The following DNAH9 variants were observed in gnomAD, a reference collection of about 807,000 sequenced individuals.
The protein encoded by DNAH9 is DNAH9 variant protein.
Under a neutral mutation model 471.6 loss-of-function variants are expected in DNAH9, and 345 were observed. That is an observed-to-expected ratio of 0.73 (90% CI 0.67 to 0.80). The LOEUF is 0.80. Among genes scored for constraint, DNAH9 ranks in the 30% least tolerant of loss-of-function variants. The pLI is 0.00. For synonymous variants in DNAH9, 2,093 were observed against 2,123.6 expected, an observed-to-expected ratio of 0.99 and a Z score of 0.40; for missense variants, 5,407 against 5,609.2, an observed-to-expected ratio of 0.96 and a Z score of 1.15.
At chr17:11,922,308 G>C (rs536304708) in intron 61 of DNAH9, among the ~76,000 whole-genome samples, 16 of 152,148 alleles carry the variant, frequency 1.1e-4, no homozygotes, top group Admixed American at 3.3e-4. Context: ...TTTTTTTTAA[G>C]TATGGATTTT....
intron 48 of DNAH9, among the ~76,000 whole-genome samples, chr17:11,826,450 T>C (rs1341884489): frequency 1.4e-5 from 2 of 146,180 alleles, no homozygotes; most frequent in Non-Finnish European, 3.0e-5. Flanking sequence ...TTTTTCTTTT[T>C]CTTGGTTTTT....
chr17:11,635,292 G>A (rs1040961300), intron 8 of DNAH9, among the ~76,000 whole-genome samples: 3 of 150,382 alleles, frequency 2.0e-5, no homozygotes, highest in African/African-American at 7.3e-5. Flanking sequence ...TCAGCTTCTC[G>A]AGTAGCTGGG....
chr17:11,704,569 G>T, intron 25 of DNAH9, 127 bp downstream of exon 25: 6 of 799,612 alleles, frequency 7.5e-6, no homozygotes, highest in Non-Finnish European at 1.1e-5. Flanking sequence ...GAGGATCACA[G>T]TGGCTGCTCC....
At chr17:11,687,012 C>G (rs1053263895) in intron 19 of DNAH9, among the ~76,000 whole-genome samples, 1 of 152,174 alleles carries the variant, frequency 6.6e-6, no homozygotes, top group African/African-American at 2.4e-5. Context: ...AACACAAGAA[C>G]TCCTCACCCT....
chr17:11,659,787 G>T (rs2150713854), intron 14 of DNAH9, among the ~76,000 whole-genome samples: 1 of 152,282 alleles, frequency 6.6e-6, no homozygotes, highest in East Asian at 1.9e-4. Context: ...CAGAGCTCGG[G>T]GCCTTCACAG....
At chr17:11,716,397 C>T (rs1274731111) in intron 26 of DNAH9, among the ~76,000 whole-genome samples, 1 of 151,886 alleles carries the variant, frequency 6.6e-6, no homozygotes, top group Non-Finnish European at 1.5e-5. Context: ...TTCTTTTTTG[C>T]GTTTTTTTTC....
At position 11,768,618 on chromosome 17, in the gene DNAH9, C is replaced by T. The variant is rs758655887; in HGVS notation, c.7336C>T (p.Pro2446Ser). The stretch of plus-strand genomic sequence containing the variant: ...CCAGTTCGAATTTGACCCCGAGATG[C>T]CCTTGCAGGTGAGTGCAGCTGAGCA... ...VPQFEFDPEMPLQACLVHTSE... is the reference protein window; with the variant it reads ...VPQFEFDPEMSLQACLVHTSE... Residue 2446 changes from proline (P) to serine (S), a missense_variant, in exon 37 of 69, where the codon CCC becomes TCC. Physicochemically the swap from Pro to Ser is moderately conservative, Grantham distance 74. Around this residue, in one of 3 missense-constraint regions of DNAH9, gnomAD observed 4,636 missense variants for 4,900.3 expected, o/e 0.95. Transcript: ENST00000262442. 3 of 1,613,936 alleles carry T rather than the reference C, an allele frequency of 1.9e-6. No individual in the cohort carries two copies. The Admixed American group carries it at 5.0e-5, about 27-fold the overall frequency.
intron 52 of DNAH9, among the ~76,000 whole-genome samples, chr17:11,874,606 G>C (rs1214106030): frequency 6.6e-6 from 1 of 152,174 alleles, no homozygotes. Flanking sequence ...ATATAGCAGA[G>C]AAATAACACT....
At chr17:11,767,931 G>A (rs530363505) in intron 36 of DNAH9, among the ~76,000 whole-genome samples, 9 of 152,200 alleles carry the variant, frequency 5.9e-5, no homozygotes, top group East Asian at 3.9e-4. Flanking sequence ...TTTTGCAGAC[G>A]AGGAGATTGA....
At chr17:11,779,333 CTCT>C (rs1027609019) in intron 38 of DNAH9, among the ~76,000 whole-genome samples, 14 of 152,114 alleles carry the variant, frequency 9.2e-5, no homozygotes, top group Non-Finnish European at 1.6e-4. Context: ...AACTCAAACC[CTCT>C]TCTTCTCCTC....
At chr17:11,610,594 T>G (rs1350933883) in intron 3 of DNAH9, 40 bp downstream of exon 3, 23 of 1,599,804 alleles carry the variant, frequency 1.4e-5, no homozygotes, top group Non-Finnish European at 1.8e-5. Flanking sequence ...GGGGTGAAGA[T>G]GTCTTACAGA....
intron 27 of DNAH9, among the ~76,000 whole-genome samples, chr17:11,720,029 G>A (rs1356160093): frequency 2.6e-5 from 4 of 151,932 alleles, no homozygotes; most frequent in East Asian, 1.9e-4. Flanking sequence ...GAGCACAGAC[G>A]CCCACAGAAG....
In DNAH9 at chr17:11,962,247, G is replaced by C; in HGVS notation, c.13224G>C (p.Trp4408Cys). The change falls in exon 68 of 69, where the codon TGG (tryptophan) becomes TGC (cysteine). Residue 4408 changes from tryptophan (W) to cysteine (C), a missense_variant. Around this residue, in one of 3 missense-constraint regions of DNAH9, gnomAD observed 4,636 missense variants for 4,900.3 expected, o/e 0.95. Coordinates refer to ENST00000262442, the MANE Select transcript of DNAH9 (RefSeq NM_001372.4). The surrounding 1 kb of genome is among the most constrained non-coding windows in gnomAD (Gnocchi z 4.1). ...IHGLFMEGAC[W>C]DTQAGIITEA... ...GCCTCTTCATGGAAGGTGCCTGCTG[G>C]GACACACAGGTAAAGCTTGGAATGA... 1.2e-6 allele frequency: 2 copies of C among 1,602,828 alleles called. No homozygotes were observed. The highest frequency in any genetic ancestry group is 1.7e-6 in the Non-Finnish European group (2 of 1,174,322).
At chr17:11,917,761 G>A (rs1974004194) in intron 61 of DNAH9, among the ~76,000 whole-genome samples, 1 of 152,172 alleles carries the variant, frequency 6.6e-6, no homozygotes, top group Non-Finnish European at 1.5e-5. Context: ...ATGGCGTTAC[G>A]ATGAGGATGG....
intron 45 of DNAH9, among the ~76,000 whole-genome samples, chr17:11,818,476 A>G (rs11868201): frequency 0.094 from 14,303 of 152,018 alleles, 1,781 homozygotes; most frequent in African/African-American, 0.28. Flanking sequence ...AAGATGGCCC[A>G]AATGACTTCT....
chr17:11,666,238 A>C (rs1160170733), intron 15 of DNAH9, among the ~76,000 whole-genome samples: 1 of 152,164 alleles, frequency 6.6e-6, no homozygotes, highest in Non-Finnish European at 1.5e-5. Flanking sequence ...AGGGGGCTTC[A>C]TCACTAAGCC....
At position 11,932,282 on chromosome 17, in the gene DNAH9, A is replaced by AG; in HGVS notation, c.12297+81dup. On this transcript the variant is annotated intron_variant, in intron 64 of 68. Coordinates refer to ENST00000262442, the MANE Select transcript of DNAH9 (RefSeq NM_001372.4). The surrounding 1 kb of genome is among the most constrained non-coding windows in gnomAD (Gnocchi z 4.3). ...TATTTAATTTTGAGGGGTGAATCAG[A>AG]GGGGTCTAGGATGGGGCCTGAGAAT... 6.8e-7 allele frequency: 1 copy of AG among 1,463,780 alleles called. No homozygotes were observed. The highest frequency in any genetic ancestry group is 1.4e-5 in the African/African-American group (1 of 71,258). 90.7% of individuals were successfully genotyped at this position (1,463,780 alleles called of 1,614,324 possible). A position where few individuals can be genotyped will look rare whatever the true frequency, so the allele number is the denominator to read the frequency against.
At chr17:11,844,971 T>A (rs1971164117) in intron 49 of DNAH9, among the ~76,000 whole-genome samples, 1 of 152,120 alleles carries the variant, frequency 6.6e-6, no homozygotes, top group Non-Finnish European at 1.5e-5. Flanking sequence ...TGTCTGTTCA[T>A]GTCCTTTGTC....
intron 53 of DNAH9, among the ~76,000 whole-genome samples, chr17:11,876,711 TTTTG>T (rs911324571): frequency 2.4e-4 from 36 of 152,044 alleles, no homozygotes; most frequent in African/African-American, 6.5e-4. Context: ...GTTTTGTTTT[TTTTG>T]TTTGTTTGTT....
Sources: gnomAD v4.1 joint callset for allele counts (sites outside exome capture counted in the v4.1 genomes callset) on GRCh38, gnomAD v4.1.1 for gene constraint, gnomAD v4.1.1 regional missense constraint, Gnocchi (gnomAD v3.1) non-coding constraint, MANE v1.5 for transcripts, NCBI Gene and HGNC (gene_info 2026-07-23, HGNC 2026-07-21) for gene names.